ROBO2: variants seen among roughly 807,000 people sequenced by gnomAD.
ROBO2 encodes the protein roundabout homolog 2.
In ROBO2, 53 loss-of-function variants were observed where a neutral mutation model predicts 160.8. That is an observed-to-expected ratio of 0.33 (90% CI 0.26 to 0.41). The LOEUF is 0.41. Ranked by LOEUF, ROBO2 falls within the 10% of genes least tolerant of loss-of-function variation. The probability of loss-of-function intolerance (pLI) is 1.00; values close to 1 mark genes in which losing one functional copy is unlikely to be tolerated. For missense variants in ROBO2, 1,577 were observed against 1,722.4 expected, an observed-to-expected ratio of 0.92 and a Z score of 1.49; for synonymous variants, 664 against 611.7, an observed-to-expected ratio of 1.09 and a Z score of -1.26.
At chr3:76,758,842 A>AAC in intron 2 of ROBO2, among the ~76,000 whole-genome samples, 1 of 152,010 alleles carries the variant, frequency 6.6e-6, no homozygotes, top group South Asian at 2.1e-4. Flanking sequence ...TTATATAAAT[A>AAC]CATGGTCTTT....
intron 2 of ROBO2, among the ~76,000 whole-genome samples, chr3:77,330,842 G>A (rs1331621677): frequency 1.3e-5 from 2 of 152,104 alleles, no homozygotes; most frequent in Non-Finnish European, 2.9e-5. Context: ...AATAATCTTT[G>A]TTTATTTGGT....
rs142307262 is a variant in ROBO2 at position 76,022,020 on chromosome 3, G to A, written c.109+84418G>A. Among the ~76,000 whole-genome samples, 30 of 151,302 alleles carry A rather than the reference G, an allele frequency of 2.0e-4. 1 individual carries two copies. Among genetic ancestry groups the A allele is most frequent in the African/African-American group, 7.0e-4 (29 of 41,270 alleles). ...CCACTGCTCTATCAACTAAGTTTCT[G>A]TAATATTCTAAATTCTTTGTTGTTA... On this transcript the variant is annotated intron_variant, in intron 2 of 26. Coordinates refer to the ROBO2 transcript ENST00000487694.
chr3:77,457,627 C>T (rs1001219364), intron 2 of ROBO2, among the ~76,000 whole-genome samples: 12 of 152,038 alleles, frequency 7.9e-5, no homozygotes, highest in African/African-American at 2.4e-4. Context: ...CTACAAATCT[C>T]GACCCTTTTA....
intron 2 of ROBO2, among the ~76,000 whole-genome samples, chr3:76,173,115 C>G (rs1161673327): frequency 6.8e-6 from 1 of 147,426 alleles, no homozygotes; most frequent in Non-Finnish European, 1.5e-5. Flanking sequence ...TCATTTTGAG[C>G]ATAACTAGCT....
At chr3:76,882,647 T>C (rs2073472157) in intron 2 of ROBO2, among the ~76,000 whole-genome samples, 1 of 152,184 alleles carries the variant, frequency 6.6e-6, no homozygotes, top group South Asian at 2.1e-4. Context: ...AACATACAGT[T>C]CTAATACAAA....
chr3:76,592,110 C>G (rs2086451923), intron 2 of ROBO2, among the ~76,000 whole-genome samples: 1 of 151,728 alleles, frequency 6.6e-6, no homozygotes, highest in African/African-American at 2.4e-5. Flanking sequence ...AAAAAAAAAG[C>G]TGAGCTAAAA....
intron 2 of ROBO2, among the ~76,000 whole-genome samples, chr3:76,859,964 T>C (rs1288025927): frequency 6.6e-6 from 1 of 152,246 alleles, no homozygotes; most frequent in Admixed American, 6.5e-5. Flanking sequence ...TCATCACTTC[T>C]TGTTGCTGGT....
At chr3:76,594,251 T>G (rs2086601872) in intron 2 of ROBO2, among the ~76,000 whole-genome samples, 1 of 152,050 alleles carries the variant, frequency 6.6e-6, no homozygotes, top group Non-Finnish European at 1.5e-5. Flanking sequence ...GGTTTCTCTC[T>G]ATTCCTAACC....
At chr3:76,414,478 A>G (rs2075655232) in intron 2 of ROBO2, among the ~76,000 whole-genome samples, 1 of 151,900 alleles carries the variant, frequency 6.6e-6, no homozygotes, top group Admixed American at 6.6e-5. Flanking sequence ...GACATGGATG[A>G]AATTGGAAAC....
chr3:76,446,673 G>A (rs911781879), intron 2 of ROBO2, among the ~76,000 whole-genome samples: 12 of 152,138 alleles, frequency 7.9e-5, no homozygotes, highest in African/African-American at 2.9e-4. Flanking sequence ...AAGCAGCATG[G>A]TACTGGTACC....
At chr3:76,549,929 GC>G (rs2083318624) in intron 2 of ROBO2, among the ~76,000 whole-genome samples, 1 of 152,084 alleles carries the variant, frequency 6.6e-6, no homozygotes, top group South Asian at 2.1e-4. Flanking sequence ...AAGATGATTT[GC>G]CCTTTCTTGT....
At chr3:76,039,332 T>A (rs2067211494) in intron 2 of ROBO2, among the ~76,000 whole-genome samples, 1 of 151,716 alleles carries the variant, frequency 6.6e-6, no homozygotes, top group Non-Finnish European at 1.5e-5. Flanking sequence ...ACATGGTCTA[T>A]TTTTTTTAGG....
chr3:77,010,063 A>T (rs1334875504), intron 2 of ROBO2, among the ~76,000 whole-genome samples: 1 of 152,064 alleles, frequency 6.6e-6, no homozygotes. Flanking sequence ...CTTAATTGCC[A>T]TAAATAATCT....
intron 2 of ROBO2, among the ~76,000 whole-genome samples, chr3:76,289,757 C>G (rs913147906): frequency 2.0e-5 from 3 of 152,098 alleles, no homozygotes; most frequent in African/African-American, 7.2e-5. Context: ...ACTCCTTTCC[C>G]CATTGGTTGT....
chr3:76,460,515 T>C (rs1366345660), intron 2 of ROBO2, among the ~76,000 whole-genome samples: 1 of 152,154 alleles, frequency 6.6e-6, no homozygotes, highest in Non-Finnish European at 1.5e-5. Flanking sequence ...CTTGGTTGCA[T>C]ACAATGGGAC....
intron 2 of ROBO2, among the ~76,000 whole-genome samples, chr3:76,583,061 C>T (rs1384915410): frequency 1.3e-5 from 2 of 151,454 alleles, no homozygotes. Flanking sequence ...AAACACCTGA[C>T]TTGTCTGCTG....
chr3:76,210,170 A>G (rs561552571), intron 2 of ROBO2, among the ~76,000 whole-genome samples: 1 of 152,238 alleles, frequency 6.6e-6, no homozygotes, highest in East Asian at 1.9e-4. Context: ...ATTATTCCCA[A>G]AATCAAAATA....
At chr3:76,885,581 G>A (rs935777023) in intron 2 of ROBO2, among the ~76,000 whole-genome samples, 13 of 152,068 alleles carry the variant, frequency 8.5e-5, no homozygotes, top group Admixed American at 3.9e-4. Flanking sequence ...GTTCACACAC[G>A]TGTACATGCA....
chr3:77,444,372 C>T (rs1308032390), intron 2 of ROBO2, among the ~76,000 whole-genome samples: 6 of 152,008 alleles, frequency 3.9e-5, no homozygotes, highest in Admixed American at 3.9e-4. Context: ...GTGTATAAAA[C>T]CTTCAAATTT....
Sources: gnomAD v4.1 joint callset for allele counts (sites outside exome capture counted in the v4.1 genomes callset) on GRCh38, gnomAD v4.1.1 for gene constraint, MANE v1.5 for transcripts, NCBI Gene and HGNC (gene_info 2026-07-23, HGNC 2026-07-21) for gene names.